Variants in SMARCA4 observed in about 807,000 individuals in gnomAD.
SMARCA4 encodes the protein SWI/SNF-related matrix-associated actin-dependent regulator of chromatin subfamily A member 4.
In SMARCA4, 31 loss-of-function variants were observed where a neutral mutation model predicts 193.9. The ratio of observed to expected loss-of-function variants is 0.16; its 90% CI spans 0.12 to 0.22. SMARCA4 has a LOEUF of 0.22. Among genes scored for constraint, SMARCA4 ranks in the 10% least tolerant of loss-of-function variants. SMARCA4 has a pLI of 1.00. For missense variants in SMARCA4, 1,148 were observed against 2,296.0 expected, an observed-to-expected ratio of 0.50 and a Z score of 10.22; for synonymous variants, 942 against 933.1, an observed-to-expected ratio of 1.01 and a Z score of -0.17.
chr19:10,965,377 T>C (rs2145424875), intron 1 of SMARCA4: 1 of 152,366 alleles, frequency 6.6e-6, no homozygotes, highest in South Asian at 2.1e-4. Context: ...GCCTGGCACA[T>C]AGTGCTAAAC....
chr19:11,021,529 G>A, intron 18 of SMARCA4, 196 bp from the exon 19 acceptor site: 2 of 729,174 alleles, frequency 2.7e-6, no homozygotes, highest in South Asian at 1.5e-5. Context: ...TCTGCCCAAG[G>A]CTTGCAAGAG....
At chr19:10,989,705 C>CCTTT (rs1555756604) in intron 7 of SMARCA4, among the ~76,000 whole-genome samples, 1 of 142,184 alleles carries the variant, frequency 7.0e-6, no homozygotes, top group Non-Finnish European at 1.5e-5. Context: ...TTCCCTTTCC[C>CCTTT]TTTTTTTTTT....
intron 1 of SMARCA4, among the ~76,000 whole-genome samples, chr19:10,972,741 T>G (rs2084779030): frequency 6.6e-6 from 1 of 152,142 alleles, no homozygotes; most frequent in Non-Finnish European, 1.5e-5. Flanking sequence ...CGCTCAGTGT[T>G]GCGTATATAG....
In SMARCA4 at chr19:11,030,581, C is replaced by T; in HGVS notation, c.3383-149C>T. The T allele has an allele frequency of 1.4e-6, 1 of 704,146 alleles. No individual in the cohort carries two copies. Among genetic ancestry groups the T allele is most frequent in the Non-Finnish European group, 2.5e-6 (1 of 404,238 alleles). The allele number at this position is 704,146 out of a possible 1,614,324, so 43.6% of individuals were successfully genotyped here. Reference sequence around the variant, plus strand: ...AATCCAGTTATTCGCCAGTGGCCCACAGGCCCGTGTGGAGAGTGCGGAGCC... The same window carrying T: ...AATCCAGTTATTCGCCAGTGGCCCATAGGCCCGTGTGGAGAGTGCGGAGCC... On this transcript the variant is annotated intron_variant, in intron 24 of 34. Transcript: ENST00000344626. This position sits in a 1 kb window ranked among gnomAD's most constrained non-coding sequence, Gnocchi z 5.5.
intron 16 of SMARCA4, among the ~76,000 whole-genome samples, chr19:11,017,686 G>T (rs2146340028): frequency 6.6e-6 from 1 of 152,330 alleles, no homozygotes; most frequent in African/African-American, 2.4e-5. Context: ...TTCTCCCTTG[G>T]TGCGCTGACT....
Position 11,033,244 on chromosome 19 carries a change from T to C in SMARCA4, c.3547-46T>C. 2 of 1,475,668 alleles carry C rather than the reference T, an allele frequency of 1.4e-6. No individual in the cohort carries two copies. Among genetic ancestry groups the C allele is most frequent in the Non-Finnish European group, 1.9e-6 (2 of 1,055,616 alleles). 91.4% of individuals were successfully genotyped at this position (1,475,668 alleles called of 1,614,324 possible). ...GTGTCAGAGGCCACCTTCCCTTTTATGACCTCCTGGGCTCCTTTGGGACTG... is the reference window on the plus strand; with the variant it reads ...GTGTCAGAGGCCACCTTCCCTTTTACGACCTCCTGGGCTCCTTTGGGACTG... On this transcript the variant is annotated intron_variant, in intron 25 of 34. Transcript: ENST00000344626. The surrounding 1 kb of genome is among the most constrained non-coding windows in gnomAD (Gnocchi z 9.8).
In SMARCA4 at chr19:11,062,073, G is replaced by A. The variant is rs1474977478; in HGVS notation, c.*257G>A. On this transcript the variant is annotated 3_prime_UTR_variant, in exon 35 of 35. Transcript: ENST00000344626. ...GAGAATTCCGAATTGGGGAACACAC[G>A]ATACCTGTTTTTCTTTTCCGTTGCT... The A allele has an allele frequency of 1.6e-5, 9 of 566,712 alleles. No homozygotes were observed. Among genetic ancestry groups the A allele is most frequent in the South Asian group, 2.0e-5 (1 of 49,180 alleles). 35.1% of individuals were successfully genotyped at this position (566,712 alleles called of 1,614,324 possible).
In SMARCA4 at chr19:11,059,909, C is replaced by T. The variant is rs139606956; in HGVS notation, c.4768+24C>T. On this transcript the variant is annotated intron_variant, in intron 33 of 34. Coordinates refer to ENST00000344626, the MANE Select transcript of SMARCA4 (RefSeq NM_003072.5). ...ATGTGAGTCCCGGGGGGGTTCAGGA[C>T]GCCGGGGTTCACGCTGGCCCGAGAG... 4.1e-3 allele frequency: 6,602 copies of T among 1,613,642 alleles called. 28 individuals are homozygous for T. The highest frequency in any genetic ancestry group is 0.012 in the Middle Eastern group (70 of 6,046).
At position 10,972,716 on chromosome 19, in the gene SMARCA4, C is replaced by T. The variant is rs371858245; in HGVS notation, c.-31-11405C>T. The stretch of plus-strand genomic sequence containing the variant: ...GGGGACTCCTCTTGCCGTCTCCACA[C>T]AGTGTCACTCCTCACGCTCAGTGTT... On this transcript the variant is annotated intron_variant, in intron 1 of 34. Coordinates refer to ENST00000344626, the MANE Select transcript of SMARCA4 (RefSeq NM_003072.5). 7.9e-5 allele frequency among the ~76,000 whole-genome samples: 12 copies of T among 152,348 alleles called. No individual in the cohort carries two copies. In the East Asian group the frequency reaches 2.1e-3, roughly 27 times the overall value.
intron 1 of SMARCA4, among the ~76,000 whole-genome samples, chr19:10,962,107 G>A (rs1197865493): frequency 6.6e-6 from 1 of 151,890 alleles, no homozygotes; most frequent in Non-Finnish European, 1.5e-5. Context: ...TTGATTCCTG[G>A]TGCTGTCAGT....
intron 30 of SMARCA4, among the ~76,000 whole-genome samples, chr19:11,056,546 C>A (rs973969364): frequency 6.6e-6 from 1 of 152,176 alleles, no homozygotes; most frequent in South Asian, 2.1e-4. Flanking sequence ...TTCACTCCCA[C>A]CTCAATTTCC....
intron 19 of SMARCA4, among the ~76,000 whole-genome samples, chr19:11,023,116 C>G (rs979223775): frequency 6.6e-5 from 10 of 152,214 alleles, no homozygotes; most frequent in African/African-American, 2.4e-4. Context: ...GAATCACCCG[C>G]TATAAGCCCC....
At position 10,961,031 on chromosome 19, in the gene SMARCA4, G is replaced by GGC. The variant is rs957231708; in HGVS notation, c.-165_-164dup. On this transcript the variant is annotated 5_prime_UTR_variant, in exon 1 of 35. Coordinates refer to ENST00000344626, the MANE Select transcript of SMARCA4 (RefSeq NM_003072.5). ...GGGGGGGCGGTGGCCGAGGCGGGCG[G>GGC]GCGCGCGCGCGAGGCTTCCCCTCGT... 3 of 149,342 alleles carry GGC rather than the reference G, an allele frequency of 2.0e-5. No homozygotes were observed. Among genetic ancestry groups the GGC allele is most frequent in the Non-Finnish European group, 1.5e-5 (1 of 66,782 alleles). The allele number at this position is 149,342 out of a possible 1,614,324, so 9.3% of individuals were successfully genotyped here. A position where few individuals can be genotyped will look rare whatever the true frequency, so the allele number is the denominator to read the frequency against.
At chr19:11,051,436 C>G (rs1329197783) in intron 30 of SMARCA4, among the ~76,000 whole-genome samples, 2 of 151,904 alleles carry the variant, frequency 1.3e-5, no homozygotes, top group Non-Finnish European at 2.9e-5. Flanking sequence ...GAGGCCCTTC[C>G]TTTCAGTGAG....
chr19:11,008,181 C>G, intron 14 of SMARCA4, 158 bp downstream of exon 14: 1 of 712,858 alleles, frequency 1.4e-6, no homozygotes, highest in Non-Finnish European at 2.5e-6. Flanking sequence ...CTTCACATTT[C>G]ATGTATTTTA....
chr19:10,969,239 A>AT (rs1568394194), intron 1 of SMARCA4, among the ~76,000 whole-genome samples: 1 of 152,094 alleles, frequency 6.6e-6, no homozygotes, highest in African/African-American at 2.4e-5. Context: ...GCCTCGAGGA[A>AT]GGGGGGCCTT....
rs1600188323 is a variant in SMARCA4 at position 11,010,450 on chromosome 19, C to T, written c.2193C>T (p.Tyr731=). 1.2e-6 allele frequency: 2 copies of T among 1,613,960 alleles called. No homozygotes were observed. The highest frequency in any genetic ancestry group is 1.3e-5 in the African/African-American group (1 of 74,922). ...CCCTTGCACGTGGCCTGCAGTCCTA[C>T]TATGCCGTGGCCCATGCTGTCACTG... ...SQALARGLQS[Y]YAVAHAVTER... Residue 731 remains tyrosine, a synonymous_variant, in exon 15 of 35, where the codon TAC becomes TAT. Transcript: ENST00000344626.
At position 11,034,427 on chromosome 19, in the gene SMARCA4, C is replaced by T. The variant is rs781253347; in HGVS notation, c.3951+227C>T. On this transcript the variant is annotated intron_variant, in intron 28 of 34. Transcript: ENST00000344626. The surrounding 1 kb of genome is among the most constrained non-coding windows in gnomAD (Gnocchi z 7.0). Reference sequence around the variant, plus strand: ...CACACCCAGCCTTCTGCATGTGACCCGAGACCTGCCCCACCAGCTCTGTTT... The same window carrying T: ...CACACCCAGCCTTCTGCATGTGACCTGAGACCTGCCCCACCAGCTCTGTTT... Among the ~76,000 whole-genome samples the T allele has an allele frequency of 2.0e-5, 3 of 152,180 alleles. No individual in the cohort carries two copies. The highest frequency in any genetic ancestry group is 1.9e-4 in the East Asian group (1 of 5,194).
intron 15 of SMARCA4, chr19:11,010,875 A>G: frequency 2.7e-6 from 1 of 376,086 alleles, no homozygotes; most frequent in South Asian, 2.1e-5. Context: ...CACCGTGTGT[A>G]GGACTGAACC....
Sources: gnomAD v4.1 joint callset for allele counts (sites outside exome capture counted in the v4.1 genomes callset) on GRCh38, gnomAD v4.1.1 for gene constraint, Gnocchi (gnomAD v3.1) non-coding constraint, MANE v1.5 for transcripts, NCBI Gene and HGNC (gene_info 2026-07-23, HGNC 2026-07-21) for gene names.